Variants in WSB1 observed in about 807,000 individuals in gnomAD.
The protein encoded by WSB1 is WD repeat and SOCS box-containing protein 1.
WSB1 carries 23 observed loss-of-function variants against 50.2 expected under a neutral mutation model. The observed-to-expected ratio is 0.46, with a 90% CI of 0.33 to 0.65. WSB1 has a LOEUF of 0.65. Ranked by LOEUF, WSB1 falls within the 30% of genes least tolerant of loss-of-function variation. The probability of loss-of-function intolerance (pLI) is 0.02; values close to 1 mark genes in which losing one functional copy is unlikely to be tolerated. For synonymous variants in WSB1, 179 were observed against 172.0 expected (o/e 1.04, Z -0.32); for missense variants, 492 against 522.3 (o/e 0.94, Z 0.56).
intron 1 of WSB1, among the ~76,000 whole-genome samples, chr17:27,298,126 G>GGAAA (rs1331629975): frequency 2.7e-5 from 2 of 74,220 alleles, no homozygotes; most frequent in Non-Finnish European, 4.9e-5. Flanking sequence ...CTCCGTCTCA[G>GGAAA]AAAAAAAAAA....
chr17:27,308,524 A>G, intron 5 of WSB1: 2 of 985,804 alleles, frequency 2.0e-6, no homozygotes, highest in Non-Finnish European at 2.4e-6. Flanking sequence ...AATGTGGTTT[A>G]ACATCCTTGT....
Position 27,303,455 on chromosome 17 carries a change from C to G in WSB1, c.298C>G (p.Arg100Gly), listed in dbSNP as rs759342516. ...NSDGGQKNKPREHIIDCGDIV... is the reference protein window; with the variant it reads ...NSDGGQKNKPGEHIIDCGDIV... ...TGATGGTGGTCAGAAAAATAAGCCT[C>G]GTGAACATATTATAGACTGTGGAGA... Residue 100 changes from arginine (R) to glycine (G), a missense_variant, in exon 3 of 9, where the codon CGT becomes GGT. Transcript: ENST00000262394. The G allele has an allele frequency of 1.2e-6, 2 of 1,613,986 alleles. No homozygotes were observed. The highest frequency in any genetic ancestry group is 3.3e-5 in the Admixed American group (2 of 59,984).
At chr17:27,309,892 G>A (rs2017606977) in intron 6 of WSB1, among the ~76,000 whole-genome samples, 169 bp from the exon 7 acceptor site, 1 of 152,154 alleles carries the variant, frequency 6.6e-6, no homozygotes, top group Admixed American at 6.5e-5. Context: ...TAAAAGATTA[G>A]TTCTTTTCAG....
chr17:27,304,843 A>G lies in WSB1; in HGVS notation c.542A>G (p.Asp181Gly). 2 of 1,614,084 alleles carry G rather than the reference A, an allele frequency of 1.2e-6. No homozygotes were observed. The highest frequency in any genetic ancestry group is 8.5e-7 in the Non-Finnish European group (1 of 1,179,994). Residue 181 changes from aspartate to glycine, a missense_variant, in exon 4 of 9, where the codon GAT (aspartate) becomes GGT (glycine). Transcript: ENST00000262394. ...GTCAGAGATTTAACTTTTGCTCCAG[A>G]TGGAAGCTTGATCCTGGTGTCAGCT... ...EVVRDLTFAP[D>G]GSLILVSASR...
At chr17:27,305,448 C>G (rs1297242715) in intron 4 of WSB1, among the ~76,000 whole-genome samples, 1 of 152,224 alleles carries the variant, frequency 6.6e-6, no homozygotes, top group Non-Finnish European at 1.5e-5. Context: ...ACGTTGGTGT[C>G]AAGTACTCAC....
At chr17:27,309,975 A>G (rs2017611321) in intron 6 of WSB1, 86 bp from the exon 7 acceptor site, 4 of 1,014,732 alleles carry the variant, frequency 3.9e-6, no homozygotes, top group Non-Finnish European at 6.1e-6. Context: ...TTTAAACACT[A>G]TTCAAAGACA....
Position 27,309,195 on chromosome 17 carries a change from A to G in WSB1, c.807A>G (p.Ala269=), listed in dbSNP as rs748518258. The change falls in exon 6 of 9, where the codon GCA becomes GCG. Residue 269 remains alanine, a synonymous_variant. Coordinates refer to ENST00000262394, the MANE Select transcript of WSB1 (RefSeq NM_015626.10). ...CTTGTGACTTTTCTCCTGATGGAGC[A>G]TTACTGGCTACTGCATCTTATGATA... ...VVACDFSPDG[A]LLATASYDTR... is the part of the protein sequence containing the mutation. 14 of 1,613,412 alleles carry G rather than the reference A, an allele frequency of 8.7e-6. No individual in the cohort carries two copies. The highest frequency in any genetic ancestry group is 9.3e-6 in the Non-Finnish European group (11 of 1,179,756).
Position 27,309,126 on chromosome 17 carries a change from C to T in WSB1, c.738C>T (p.Tyr246=), listed in dbSNP as rs536716517. The T allele has an allele frequency of 1.9e-6, 3 of 1,609,246 alleles. No homozygotes were observed. Among genetic ancestry groups the T allele is most frequent in the Admixed American group, 1.7e-5 (1 of 59,016 alleles). The change falls in exon 6 of 9, where the codon TAC becomes TAT. Residue 246 remains tyrosine (Y), a synonymous_variant. Transcript: ENST00000262394. ...TTTTCCTTTGGAATATGGATAAATACACCATGATACGGAAACTAGAAGGAC... is the reference window on the plus strand; with the variant it reads ...TTTTCCTTTGGAATATGGATAAATATACCATGATACGGAAACTAGAAGGAC... ...KAVFLWNMDK[Y]TMIRKLEGHH... is the part of the protein sequence containing the mutation.
chr17:27,296,569 C>CTACT (rs1375215420), intron 1 of WSB1, among the ~76,000 whole-genome samples: 1 of 152,162 alleles, frequency 6.6e-6, no homozygotes, highest in African/African-American at 2.4e-5. Flanking sequence ...TTCTGTGATA[C>CTACT]TACTGCCTTG....
chr17:27,312,246 A>G lies in WSB1; in HGVS notation c.1143A>G (p.Pro381=), dbSNP rs1597772874. The change falls in exon 9 of 9, where the codon CCA becomes CCG. Residue 381 remains proline, a synonymous_variant. Transcript: ENST00000262394. Reference sequence around the variant, plus strand: ...GAAGTGTGTATTTTTGGGCCACTCCACGGCAGGTCCCTAGCCTGCAACATT... The same window carrying G: ...GAAGTGTGTATTTTTGGGCCACTCCGCGGCAGGTCCCTAGCCTGCAACATT... ...HDGSVYFWAT[P]RQVPSLQHLC... is the part of the protein sequence containing the mutation. The G allele has an allele frequency of 6.2e-7, 1 of 1,613,850 alleles. No homozygotes were observed. The highest frequency in any genetic ancestry group is 1.3e-5 in the African/African-American group (1 of 74,996).
At chr17:27,300,734 G>A (rs2017193206) in intron 1 of WSB1, among the ~76,000 whole-genome samples, 2 of 149,902 alleles carry the variant, frequency 1.3e-5, no homozygotes, top group African/African-American at 4.9e-5. Context: ...CTGTCACCCA[G>A]GCTGGAGTGC....
At chr17:27,309,987 A>G (rs1597769595) in intron 6 of WSB1, 74 bp from the exon 7 acceptor site, 1 of 1,146,924 alleles carries the variant, frequency 8.7e-7, no homozygotes, top group Admixed American at 1.8e-5. Context: ...TCAAAGACAG[A>G]TGTACTTTGT....
Position 27,304,764 on chromosome 17 carries a change from T to C in WSB1, c.479-16T>C, listed in dbSNP as rs765788202. 1 of 1,607,906 alleles carries C rather than the reference T, an allele frequency of 6.2e-7. No individual in the cohort carries two copies. On this transcript the variant is annotated splice_polypyrimidine_tract_variant and intron_variant, in intron 3 of 8. Transcript: ENST00000262394. ...TATTAATACTGTCTTTTTTTTCCCT[T>C]TTCTATCATATTTAGGAAAACTCCT...
rs955455818 is a variant in WSB1, at chr17:27,303,654, T to TAAAGCAA, written c.478+21_478+27dup. On this transcript the variant is annotated intron_variant, in intron 3 of 8. Coordinates refer to ENST00000262394, the MANE Select transcript of WSB1 (RefSeq NM_015626.10). ...TATACAGGTATGGATTCATAGTTTT[T>TAAAGCAA]AAAGCAAATGTATTATTTTATGATG... The TAAAGCAA allele has an allele frequency of 6.2e-7, 1 of 1,607,384 alleles. No individual in the cohort carries two copies. Among genetic ancestry groups the TAAAGCAA allele is most frequent in the African/African-American group, 1.3e-5 (1 of 74,636 alleles).
chr17:27,308,657 A>T, intron 5 of WSB1: 1 of 986,452 alleles, frequency 1.0e-6, no homozygotes. Context: ...TCAAAGGGAG[A>T]TGCCAATGGA....
chr17:27,306,407 G>A (rs975959200), intron 4 of WSB1, among the ~76,000 whole-genome samples: 27 of 151,820 alleles, frequency 1.8e-4, no homozygotes, highest in Non-Finnish European at 2.8e-4. Flanking sequence ...GTAGAGATGG[G>A]TTTCACCCTG....
chr17:27,305,758 T>C (rs2017425694), intron 4 of WSB1, among the ~76,000 whole-genome samples: 1 of 152,226 alleles, frequency 6.6e-6, no homozygotes, highest in Admixed American at 6.5e-5. Flanking sequence ...GGACCTTCTC[T>C]GTGTTTTATC....
At chr17:27,295,796 C>T (rs1286732006) in intron 1 of WSB1, among the ~76,000 whole-genome samples, 3 of 151,180 alleles carry the variant, frequency 2.0e-5, no homozygotes, top group African/African-American at 7.3e-5. Flanking sequence ...TTACTTCATC[C>T]TGATAAACCA....
Position 27,306,856 on chromosome 17 carries a change from C to T in WSB1, c.685C>T (p.Leu229=). ...SCAFSPDSSM[L]CSVGASKAVF... Reference sequence around the variant, plus strand: ...TGCATTCTCTCCTGACTCTTCTATGCTGTGTTCAGTCGGAGCCAGTAAAGC... The same window carrying T: ...TGCATTCTCTCCTGACTCTTCTATGTTGTGTTCAGTCGGAGCCAGTAAAGC... Residue 229 remains leucine, a synonymous_variant, in exon 5 of 9, where the codon CTG becomes TTG. Transcript: ENST00000262394. The T allele has an allele frequency of 1.2e-6, 2 of 1,614,116 alleles. No homozygotes were observed. The highest frequency in any genetic ancestry group is 1.7e-6 in the Non-Finnish European group (2 of 1,180,020).
Sources: gnomAD v4.1 joint callset for allele counts (sites outside exome capture counted in the v4.1 genomes callset) on GRCh38, gnomAD v4.1.1 for gene constraint, MANE v1.5 for transcripts, NCBI Gene and HGNC (gene_info 2026-07-23, HGNC 2026-07-21) for gene names.